Variants in ZNF536 observed in about 807,000 individuals in gnomAD.
ZNF536 encodes the protein zinc finger protein 536.
In ZNF536, 13 loss-of-function variants were observed where a neutral mutation model predicts 84.5. That is an observed-to-expected ratio of 0.15 (90% CI 0.10 to 0.24). ZNF536 has a LOEUF of 0.24. ZNF536 is among the 10% of genes least tolerant of loss of function. ZNF536 has a pLI of 1.00. For synonymous variants in ZNF536, 811 were observed against 742.5 expected (o/e 1.09, Z -1.50); for missense variants, 1,536 against 1,747.5 (o/e 0.88, Z 2.16).
intron 1 of ZNF536, among the ~76,000 whole-genome samples, chr19:30,590,610 T>C (rs1205423807): frequency 1.3e-5 from 2 of 152,186 alleles, no homozygotes; most frequent in African/African-American, 4.8e-5. Context: ...TGCAGCCCAC[T>C]TGCAGAGCTG....
intron 1 of ZNF536, among the ~76,000 whole-genome samples, chr19:30,672,787 A>G (rs2050606189): frequency 6.6e-6 from 1 of 152,192 alleles, no homozygotes; most frequent in South Asian, 2.1e-4. Flanking sequence ...AGAAGATCCC[A>G]GGAAGTACAA....
chr19:30,585,736 C>G (rs994447646), intron 1 of ZNF536, among the ~76,000 whole-genome samples: 11 of 152,178 alleles, frequency 7.2e-5, no homozygotes, highest in African/African-American at 2.7e-4. Context: ...ATCTTCCCAT[C>G]TCCCCTGATG....
chr19:30,498,758 G>A (rs990866966), intron 2 of ZNF536, among the ~76,000 whole-genome samples: 3 of 152,130 alleles, frequency 2.0e-5, no homozygotes, highest in African/African-American at 7.2e-5. Context: ...GTCTGGGTGA[G>A]GTGACTGCGT....
intron 1 of ZNF536, among the ~76,000 whole-genome samples, chr19:30,572,020 C>A (rs950599346): frequency 6.6e-6 from 1 of 152,112 alleles, no homozygotes; most frequent in Admixed American, 6.5e-5. Flanking sequence ...GTGGCTTGTC[C>A]CTGCAGCTTT....
chr19:30,633,955 C>G (rs2048976493), intron 1 of ZNF536, among the ~76,000 whole-genome samples: 1 of 152,106 alleles, frequency 6.6e-6, no homozygotes, highest in African/African-American at 2.4e-5. Context: ...ATCAGCACAT[C>G]AGTGTAACAT....
At chr19:30,374,200 A>C (rs1202618878) in intron 1 of ZNF536, among the ~76,000 whole-genome samples, 1 of 152,060 alleles carries the variant, frequency 6.6e-6, no homozygotes, top group South Asian at 2.1e-4. Flanking sequence ...TTTTTTTTTC[A>C]ATAAGAAAAG....
intron 1 of ZNF536, among the ~76,000 whole-genome samples, chr19:30,617,799 GT>G (rs1205768923): frequency 2.0e-5 from 3 of 151,948 alleles, no homozygotes; most frequent in Admixed American, 2.0e-4. Flanking sequence ...GTTTTTAAAT[GT>G]TTTTTGTTTT....
intron 2 of ZNF536, among the ~76,000 whole-genome samples, chr19:30,335,140 G>T (rs974384130): frequency 1.3e-5 from 2 of 152,166 alleles, no homozygotes; most frequent in Non-Finnish European, 2.9e-5. Flanking sequence ...GGCAGACGTG[G>T]CCAGAGCATG....
At chr19:30,417,136 G>A (rs2050764466) in intron 1 of ZNF536, among the ~76,000 whole-genome samples, 1 of 139,210 alleles carries the variant, frequency 7.2e-6, no homozygotes, top group East Asian at 2.5e-4. Flanking sequence ...ACCACGCCAG[G>A]CTAATTTTTG....
chr19:30,519,446 T>G (rs2044228334), intron 2 of ZNF536, among the ~76,000 whole-genome samples: 1 of 152,094 alleles, frequency 6.6e-6, no homozygotes, highest in Admixed American at 6.5e-5. Context: ...CCCTGCACTC[T>G]CTCAAGGAGA....
At chr19:30,245,225 C>T (rs1419232651) in intron 1 of ZNF536, among the ~76,000 whole-genome samples, 1 of 152,222 alleles carries the variant, frequency 6.6e-6, no homozygotes, top group Non-Finnish European at 1.5e-5. Context: ...GGCACATCTT[C>T]AGGGAGGCCA....
At chr19:30,297,057 G>A (rs2145877343) in intron 2 of ZNF536, among the ~76,000 whole-genome samples, 1 of 152,324 alleles carries the variant, frequency 6.6e-6, no homozygotes, top group Middle Eastern at 3.4e-3. Context: ...CCCTTCCAGT[G>A]GCCAGAACGG....
At chr19:30,456,036 A>G (rs2052824055) in intron 2 of ZNF536, among the ~76,000 whole-genome samples, 1 of 152,224 alleles carries the variant, frequency 6.6e-6, no homozygotes, top group Non-Finnish European at 1.5e-5. Context: ...TGTAGTAAAC[A>G]CTCAATTCTT....
intron 1 of ZNF536, among the ~76,000 whole-genome samples, chr19:30,264,930 C>CT (rs1555778073): frequency 2.2e-5 from 3 of 135,612 alleles, no homozygotes; most frequent in African/African-American, 8.5e-5. Flanking sequence ...TGTCAATAGT[C>CT]GTGTGTGTGT....
At chr19:30,277,925 A>G (rs2145578631) in intron 1 of ZNF536, among the ~76,000 whole-genome samples, 1 of 152,342 alleles carries the variant, frequency 6.6e-6, no homozygotes, top group East Asian at 1.9e-4. Context: ...TGGTGGCTTC[A>G]GCATGACCCT....
chr19:30,444,660 G>C lies in ZNF536; in HGVS notation c.1098G>C (p.Lys366Asn), dbSNP rs1169833805. Residue 366 changes from lysine (K) to asparagine (N), a missense_variant, in exon 2 of 5, where the codon AAG becomes AAC. Lys to Asn is a moderately conservative substitution (Grantham distance 94, BLOSUM62 0). This residue lies in a region of ZNF536 where 25 missense variants were observed against 78.9 expected (regional missense o/e 0.32). Transcript: ENST00000355537. The part of the protein sequence containing the change: ...QAWFLKGHMR[K>N]HKDSFEHCCQ... ...GGTTCCTCAAGGGTCACATGCGCAA[G>C]CACAAAGACTCCTTTGAGCACTGCT... 1 of 1,613,860 alleles carries C rather than the reference G, an allele frequency of 6.2e-7. No individual in the cohort carries two copies. The highest frequency in any genetic ancestry group is 1.7e-5 in the Admixed American group (1 of 60,010).
intron 2 of ZNF536, among the ~76,000 whole-genome samples, chr19:30,316,202 C>G (rs996387354): frequency 6.6e-6 from 1 of 152,174 alleles, no homozygotes; most frequent in Non-Finnish European, 1.5e-5. Flanking sequence ...AAATTTCCTT[C>G]CAAGTAATGT....
At chr19:30,535,595 A>C (rs1357732664) in intron 3 of ZNF536, among the ~76,000 whole-genome samples, 1 of 151,844 alleles carries the variant, frequency 6.6e-6, no homozygotes, top group Non-Finnish European at 1.5e-5. Flanking sequence ...TGGCTGCTGC[A>C]CCCCTCTGGC....
intron 2 of ZNF536, among the ~76,000 whole-genome samples, chr19:30,492,904 C>A (rs1372678110): frequency 6.6e-6 from 1 of 152,146 alleles, no homozygotes; most frequent in Non-Finnish European, 1.5e-5. Context: ...GTCAGCCACA[C>A]CTATCGCCAA....
Sources: gnomAD v4.1 joint callset for allele counts (sites outside exome capture counted in the v4.1 genomes callset) on GRCh38, gnomAD v4.1.1 for gene constraint, gnomAD v4.1.1 regional missense constraint, MANE v1.5 for transcripts, NCBI Gene and HGNC (gene_info 2026-07-23, HGNC 2026-07-21) for gene names.